Variants in ARHGAP15 observed in about 807,000 individuals in gnomAD.
ARHGAP15 encodes the protein Rho GTPase activating protein 15, also known as rho GTPase-activating protein 15.
A neutral mutation model predicts 63.7 loss-of-function variants in ARHGAP15; 51 were observed. The observed-to-expected ratio is 0.80, with a 90% CI of 0.64 to 1.01. The LOEUF is 1.01. Ranked by LOEUF, ARHGAP15 falls within the 50% of genes least tolerant of loss-of-function variation. The pLI is 0.00. For synonymous variants in ARHGAP15, 191 were observed against 193.8 expected (o/e 0.99, Z 0.12); for missense variants, 560 against 564.6 (o/e 0.99, Z 0.08).
chr2:143,525,883 A>G (rs544259869), intron 10 of ARHGAP15, among the ~76,000 whole-genome samples: 4 of 152,292 alleles, frequency 2.6e-5, no homozygotes, highest in Non-Finnish European at 5.9e-5. Flanking sequence ...GAGGCGGGGG[A>G]AAAGCTGCAT....
chr2:143,392,119 C>A (rs775281450), intron 6 of ARHGAP15, among the ~76,000 whole-genome samples: 4 of 152,192 alleles, frequency 2.6e-5, no homozygotes, highest in Non-Finnish European at 5.9e-5. Context: ...CAAAGTAACT[C>A]CAATCTATTA....
intron 1 of ARHGAP15, among the ~76,000 whole-genome samples, chr2:143,145,165 T>C (rs1478837671): frequency 6.6e-6 from 1 of 152,056 alleles, no homozygotes; most frequent in African/African-American, 2.4e-5. Context: ...TGACCCTTAC[T>C]CTCAGGTGAA....
intron 12 of ARHGAP15, among the ~76,000 whole-genome samples, chr2:143,660,924 AGTCTGGCACTG>A (rs1681734508): frequency 6.6e-6 from 1 of 152,208 alleles, no homozygotes; most frequent in African/African-American, 2.4e-5. Context: ...GTAGTTTAGA[AGTCTGGCACTG>A]GTCTCACTGG....
intron 6 of ARHGAP15, among the ~76,000 whole-genome samples, chr2:143,266,519 G>T (rs763601834): frequency 2.0e-5 from 3 of 152,080 alleles, no homozygotes; most frequent in Non-Finnish European, 2.9e-5. Flanking sequence ...TTTTACAAAA[G>T]ATACAATTTG....
intron 6 of ARHGAP15, among the ~76,000 whole-genome samples, chr2:143,319,458 G>A (rs1222322071): frequency 2.6e-5 from 4 of 152,072 alleles, no homozygotes; most frequent in African/African-American, 7.2e-5. Flanking sequence ...CTGACCTCAG[G>A]TGATTCACCC....
At chr2:143,469,357 G>A (rs1467888286) in intron 8 of ARHGAP15, among the ~76,000 whole-genome samples, 2 of 152,164 alleles carry the variant, frequency 1.3e-5, no homozygotes, top group South Asian at 2.1e-4. Flanking sequence ...AGAATGAAAT[G>A]CAACTTGTAC....
chr2:143,707,770 A>AT (rs1416476833), intron 13 of ARHGAP15, among the ~76,000 whole-genome samples: 1 of 152,204 alleles, frequency 6.6e-6, no homozygotes, highest in Non-Finnish European at 1.5e-5. Context: ...TTGCCTTAGT[A>AT]AAGTGTAGTT....
At chr2:143,729,887 G>T (rs1685449785) in intron 13 of ARHGAP15, among the ~76,000 whole-genome samples, 1 of 149,694 alleles carries the variant, frequency 6.7e-6, no homozygotes, top group African/African-American at 2.4e-5. Context: ...TTTTCTGGAA[G>T]AAGTATAAGT....
chr2:143,168,559 A>G (rs904544105), intron 2 of ARHGAP15, among the ~76,000 whole-genome samples: 3 of 152,054 alleles, frequency 2.0e-5, no homozygotes, highest in African/African-American at 7.2e-5. Flanking sequence ...AAAAGTAACC[A>G]TGGTTTTCTG....
intron 13 of ARHGAP15, among the ~76,000 whole-genome samples, chr2:143,709,238 C>A (rs1035653595): frequency 6.6e-6 from 1 of 152,084 alleles, no homozygotes; most frequent in African/African-American, 2.4e-5. Context: ...CAAGCCAAAA[C>A]AATCTCAAAT....
At chr2:143,635,194 CTTTTT>C (rs10558886) in intron 12 of ARHGAP15, among the ~76,000 whole-genome samples, 16 of 26,882 alleles carry the variant, frequency 6.0e-4, no homozygotes, top group African/African-American at 1.4e-3. Flanking sequence ...CTCTCAGGAG[CTTTTT>C]TTTTTTTTTT....
chr2:143,135,381 C>A (rs985149386), intron 1 of ARHGAP15, among the ~76,000 whole-genome samples: 3 of 152,126 alleles, frequency 2.0e-5, no homozygotes, highest in African/African-American at 7.2e-5. Context: ...TAGTCCAATT[C>A]CATTCAACTC....
intron 12 of ARHGAP15, among the ~76,000 whole-genome samples, chr2:143,651,509 T>C (rs1681162499): frequency 1.3e-5 from 2 of 152,120 alleles, no homozygotes; most frequent in Admixed American, 6.6e-5. Flanking sequence ...TTTGGGCTTA[T>C]TACAAATAAA....
At chr2:143,467,333 T>TG (rs140292622) in intron 8 of ARHGAP15, among the ~76,000 whole-genome samples, 14,743 of 149,286 alleles carry the variant, frequency 0.099, 947 homozygotes, top group South Asian at 0.17. Flanking sequence ...TTACCTTGTC[T>TG]GAAAAAAAAG....
intron 2 of ARHGAP15, among the ~76,000 whole-genome samples, chr2:143,201,616 A>G (rs951536158): frequency 3.3e-5 from 5 of 152,106 alleles, no homozygotes; most frequent in African/African-American, 1.2e-4. Flanking sequence ...TATACTCACA[A>G]GCTTGGTGGT....
Position 143,435,666 on chromosome 2 carries a change from G to T in ARHGAP15, c.540G>T (p.Trp180Cys). ...QSDIDFIILD[W>C]FHAIKNAIDR... The stretch of plus-strand genomic sequence containing the variant: ...ATATTGACTTCATCATATTGGATTG[G>T]TTCCACGCTATCAAAAATGCAATTG... Residue 180 changes from tryptophan (W) to cysteine (C), a missense_variant, in exon 7 of 14, where the codon TGG becomes TGT. Physicochemically the swap from Trp to Cys is radical, Grantham distance 215. Coordinates refer to ENST00000295095, the MANE Select transcript of ARHGAP15 (RefSeq NM_018460.4). 6.2e-7 allele frequency: 1 copy of T among 1,604,970 alleles called. No individual in the cohort carries two copies. Among genetic ancestry groups the T allele is most frequent in the Non-Finnish European group, 8.5e-7 (1 of 1,177,222 alleles).
At chr2:143,213,581 A>C (rs747579549) in intron 3 of ARHGAP15, among the ~76,000 whole-genome samples, 1 of 152,222 alleles carries the variant, frequency 6.6e-6, no homozygotes, top group Non-Finnish European at 1.5e-5. Context: ...GAATGTGTGC[A>C]CAGTGGTAGG....
At chr2:143,664,177 C>G in intron 12 of ARHGAP15, among the ~76,000 whole-genome samples, 1 of 152,312 alleles carries the variant, frequency 6.6e-6, no homozygotes, top group East Asian at 1.9e-4. Flanking sequence ...GTAAAGCTCT[C>G]CTCAGCAAAC....
At chr2:143,288,804 G>A (rs1268189385) in intron 6 of ARHGAP15, among the ~76,000 whole-genome samples, 1 of 151,316 alleles carries the variant, frequency 6.6e-6, no homozygotes, top group African/African-American at 2.4e-5. Flanking sequence ...TTGTTCTCGG[G>A]GGAATACATA....
Sources: allele counts gnomAD v4.1 joint callset (sites outside exome capture counted in the v4.1 genomes callset), GRCh38; gene constraint gnomAD v4.1.1; transcripts MANE v1.5; gene names NCBI Gene and HGNC (gene_info 2026-07-23, HGNC 2026-07-21).